Variants in SLC43A1 observed in about 807,000 individuals in gnomAD.
SLC43A1 encodes large neutral amino acids transporter small subunit 3.
In SLC43A1, 31 loss-of-function variants were observed where a neutral mutation model predicts 59.5. That is an observed-to-expected ratio of 0.52 (90% confidence interval 0.39 to 0.70). The LOEUF is 0.70. Ranked by LOEUF, SLC43A1 falls within the 30% of genes least tolerant of loss-of-function variation. SLC43A1 has a pLI of 0.00. For synonymous variants in SLC43A1, 259 were observed against 290.9 expected, an observed-to-expected ratio of 0.89 and a Z score of 1.12; for missense variants, 598 against 717.8, an observed-to-expected ratio of 0.83 and a Z score of 1.91.
rs1038077372 is a variant in SLC43A1 at position 57,501,719 on chromosome 11, G to A, written c.155-390C>T. Among the ~76,000 whole-genome samples the A allele has an allele frequency of 7.2e-5, 11 of 152,300 alleles. No individual in the cohort carries two copies. The South Asian group carries it at 1.5e-3, about 20-fold the overall frequency. On this transcript the variant is annotated intron_variant, in intron 2 of 14. Coordinates refer to ENST00000278426, the MANE Select transcript of SLC43A1 (RefSeq NM_003627.6). ...GCTATAACAAGAATTCATTAAAATG[G>A]CCCGGCGTGGTAGTTCATGCCTGTA...
At position 57,515,171 on chromosome 11, in the gene SLC43A1, G is replaced by T; in HGVS notation, c.-14+273C>A. ...GGCTTTGGGTTCAAGCGCTCCAGGA[G>T]GTCCGCTGGAACTCTGGCAAACGCG... On this transcript the variant is annotated intron_variant, in intron 1 of 14. Transcript: ENST00000278426. The surrounding 1 kb of genome is among the most constrained non-coding windows in gnomAD (Gnocchi z 5.3). The T allele has an allele frequency of 1.6e-6, 1 of 627,534 alleles. No individual in the cohort carries two copies. The highest frequency in any genetic ancestry group is 2.0e-6 in the Non-Finnish European group (1 of 502,674). 38.9% of individuals were successfully genotyped at this position (627,534 alleles called of 1,614,324 possible). A position where few individuals can be genotyped will look rare whatever the true frequency, so the allele number is the denominator to read the frequency against.
chr11:57,491,959 A>C, intron 8 of SLC43A1, 97 bp from the exon 9 acceptor site: 1 of 1,192,552 alleles, frequency 8.4e-7, no homozygotes. Flanking sequence ...GACACTAACT[A>C]TGTGACTTTG....
chr11:57,496,071 G>T lies in SLC43A1; in HGVS notation c.652C>A (p.Pro218Thr). Residue 218 changes from proline (P) to threonine (T), a missense_variant, in exon 7 of 15, where the codon CCC becomes ACC. Coordinates refer to ENST00000278426, the MANE Select transcript of SLC43A1 (RefSeq NM_003627.6). ...LIFLNCTLNW[P>T]IEAFPAPEEV... is the part of the protein sequence containing the mutation. ...TCAGGGGCAGGAAAGGCTTCGATGG[G>T]CCAGTTGAGGGTGCAGTTCAGAAAG... 6.2e-7 allele frequency: 1 copy of T among 1,614,142 alleles called. No homozygotes were observed. The highest frequency in any genetic ancestry group is 1.1e-5 in the South Asian group (1 of 91,074).
intron 8 of SLC43A1, among the ~76,000 whole-genome samples, chr11:57,492,477 T>C (rs911517105): frequency 6.9e-5 from 9 of 131,120 alleles, no homozygotes; most frequent in African/African-American, 2.6e-4. Context: ...ATAATTTATA[T>C]ATAAAAAATA....
chr11:57,497,152 G>A (rs1944113059), intron 6 of SLC43A1, among the ~76,000 whole-genome samples: 1 of 152,298 alleles, frequency 6.6e-6, no homozygotes, highest in Middle Eastern at 3.4e-3. Context: ...GTGCAAAACG[G>A]TATGCAGTTT....
At chr11:57,509,688 GA>G (rs1944484946) in intron 2 of SLC43A1, among the ~76,000 whole-genome samples, 2 of 111,190 alleles carry the variant, frequency 1.8e-5, no homozygotes, top group Non-Finnish European at 3.6e-5. Context: ...GAGGGAGGGA[GA>G]GAGGGAGGGA....
chr11:57,491,986 T>C (rs1333401838), intron 8 of SLC43A1, 124 bp from the exon 9 acceptor site: 2 of 943,226 alleles, frequency 2.1e-6, no homozygotes, highest in East Asian at 5.3e-5. Flanking sequence ...GACTGGTTTC[T>C]TCAAAGACGG....
chr11:57,495,726 G>C (rs889302182), intron 7 of SLC43A1, among the ~76,000 whole-genome samples: 2 of 152,150 alleles, frequency 1.3e-5, no homozygotes, highest in African/African-American at 4.8e-5. Flanking sequence ...TCGGGAGGCA[G>C]AGGGAGAGGT....
chr11:57,511,793 G>T (rs893325742), intron 2 of SLC43A1, among the ~76,000 whole-genome samples: 4 of 152,130 alleles, frequency 2.6e-5, no homozygotes, highest in African/African-American at 9.7e-5. Flanking sequence ...AATCACAAAA[G>T]GCTACATATT....
intron 7 of SLC43A1, among the ~76,000 whole-genome samples, chr11:57,495,698 G>A (rs1343244164): frequency 6.6e-6 from 1 of 152,104 alleles, no homozygotes; most frequent in Non-Finnish European, 1.5e-5. Flanking sequence ...GGTGGTGTGT[G>A]CCTGTAACCC....
intron 8 of SLC43A1, among the ~76,000 whole-genome samples, chr11:57,492,460 TA>T (rs1361806479): frequency 7.6e-6 from 1 of 131,642 alleles, no homozygotes; most frequent in African/African-American, 2.8e-5. Context: ...ATAATATAAA[TA>T]TATATATAAT....
Position 57,514,384 on chromosome 11 carries a change from T to G in SLC43A1, c.-13-260A>C. ...GTCCTGTCTGCGCGCTGCAGCTTCC[T>G]AGCAGGCTGCCGGGTTCTCTCACCC... On this transcript the variant is annotated intron_variant, in intron 1 of 14. Transcript: ENST00000278426. The surrounding 1 kb of genome is among the most constrained non-coding windows in gnomAD (Gnocchi z 5.5). The G allele has an allele frequency of 2.3e-6, 1 of 443,710 alleles. No individual in the cohort carries two copies. The highest frequency in any genetic ancestry group is 4.0e-6 in the Non-Finnish European group (1 of 247,480). 27.5% of individuals were successfully genotyped at this position (443,710 alleles called of 1,614,324 possible).
In SLC43A1 at chr11:57,501,191, A is replaced by T. The variant is rs761894985; in HGVS notation, c.293T>A (p.Met98Lys). The change falls in exon 3 of 15, where the codon ATG becomes AAG. Residue 98 changes from methionine to lysine, a missense_variant. Coordinates refer to ENST00000278426, the MANE Select transcript of SLC43A1 (RefSeq NM_003627.6). The part of the protein sequence containing the change: ...SATTLPLGIL[M>K]DRFGPRPVRL... ...CACGGGTCGGGGGCCAAAGCGGTCC[A>T]TGAGGATCCCCAGTGGCAGGGTGGT... 1.2e-6 allele frequency: 2 copies of T among 1,612,292 alleles called. No homozygotes were observed. Among genetic ancestry groups the T allele is most frequent in the African/African-American group, 2.7e-5 (2 of 74,930 alleles).
At chr11:57,485,355 A>G in intron 14 of SLC43A1, 113 bp from the exon 15 acceptor site, 1 of 923,206 alleles carries the variant, frequency 1.1e-6, no homozygotes, top group Admixed American at 3.0e-5. Flanking sequence ...GAATAAATAC[A>G]GCTAGTACTT....
chr11:57,501,950 C>T (rs1397882562), intron 2 of SLC43A1, among the ~76,000 whole-genome samples: 1 of 63,684 alleles, frequency 1.6e-5, no homozygotes, highest in Non-Finnish European at 3.4e-5. Flanking sequence ...ATGCTCCAGG[C>T]ACTGTTCTAA....
Position 57,513,938 on chromosome 11 carries a change from C to CCCCCCCCCATTTAA in SLC43A1, c.154+19_154+20insTTAAATGGGGGGGG. 3 of 1,311,328 alleles carry CCCCCCCCCATTTAA rather than the reference C, an allele frequency of 2.3e-6. No homozygotes were observed. Among genetic ancestry groups the CCCCCCCCCATTTAA allele is most frequent in the Non-Finnish European group, 3.3e-6 (3 of 922,932 alleles). 81.2% of individuals were successfully genotyped at this position (1,311,328 alleles called of 1,614,324 possible). On this transcript the variant is annotated intron_variant, in intron 2 of 14. Transcript: ENST00000278426. ...TTGCCATCCCTCCCCCCAGCCCACCCAGCCCATTTTCAGGCATACCTGGGC... is the reference window on the plus strand; with the variant it reads ...TTGCCATCCCTCCCCCCAGCCCACCCCCCCCCCCATTTAAAGCCCATTTTCAGGCATACCTGGGC...
chr11:57,492,496 TATAATATAATATATA>T (rs1419123344), intron 8 of SLC43A1, among the ~76,000 whole-genome samples: 2,158 of 126,508 alleles, frequency 0.017, 82 homozygotes, highest in African/African-American at 0.064. Flanking sequence ...TAATATAATA[TATAATATAATATATA>T]ATAATATAAT....
chr11:57,497,912 G>T, intron 5 of SLC43A1, 67 bp from the exon 6 acceptor site: 1 of 1,232,826 alleles, frequency 8.1e-7, no homozygotes, highest in Non-Finnish European at 1.2e-6. Context: ...TCCCAGCCCT[G>T]CTCCATACAA....
At chr11:57,497,607 G>A in intron 6 of SLC43A1, 146 bp downstream of exon 6, 1 of 601,624 alleles carries the variant, frequency 1.7e-6, no homozygotes, top group South Asian at 2.1e-5. Flanking sequence ...CTGTGGCCCA[G>A]GAGAGAGGGG....
Sources: allele counts gnomAD v4.1 joint callset (sites outside exome capture counted in the v4.1 genomes callset), GRCh38; gene constraint gnomAD v4.1.1; non-coding constraint Gnocchi (gnomAD v3.1); transcripts MANE v1.5; gene names NCBI Gene and HGNC (gene_info 2026-07-23, HGNC 2026-07-21).